The following DCDC1 variants were observed in gnomAD, a reference collection of about 807,000 sequenced individuals.
DCDC1 encodes doublecortin domain-containing protein 1.
DCDC1 carries 200 observed loss-of-function variants against 178.3 expected under a neutral mutation model. The observed-to-expected ratio is 1.12, with a 90% CI of 1.00 to 1.26. DCDC1 has a LOEUF of 1.26. DCDC1 is among the 50% of genes most tolerant of loss of function. The pLI is 0.00. For synonymous variants in DCDC1, 690 were observed against 604.8 expected, an observed-to-expected ratio of 1.14 and a Z score of -2.07; for missense variants, 1,983 against 1,749.2, an observed-to-expected ratio of 1.13 and a Z score of -2.38.
At chr11:31,168,361 A>G (rs1010766187) in intron 9 of DCDC1, among the ~76,000 whole-genome samples, 6 of 152,204 alleles carry the variant, frequency 3.9e-5, no homozygotes, top group Admixed American at 6.5e-5. Context: ...TGTACTGACC[A>G]ATTTAGCACT....
intron 3 of DCDC1, among the ~76,000 whole-genome samples, chr11:31,322,369 G>C (rs1391954557): frequency 2.0e-5 from 3 of 152,134 alleles, no homozygotes; most frequent in Admixed American, 2.0e-4. Context: ...TTTCTTCTTA[G>C]ATAAAGTCTC....
intron 7 of DCDC1, among the ~76,000 whole-genome samples, chr11:31,288,945 T>G (rs1197127599): frequency 2.0e-5 from 3 of 152,038 alleles, no homozygotes; most frequent in South Asian, 2.1e-4. Context: ...TTAAATGTGA[T>G]ACTGAGGCAA....
At chr11:31,237,455 A>T (rs1976602698) in intron 9 of DCDC1, among the ~76,000 whole-genome samples, 1 of 151,958 alleles carries the variant, frequency 6.6e-6, no homozygotes, top group African/African-American at 2.4e-5. Flanking sequence ...ACTTTTACAT[A>T]TAACATATAT....
At chr11:31,067,870 CAG>C (rs1268039373) in intron 18 of DCDC1, among the ~76,000 whole-genome samples, 1 of 152,018 alleles carries the variant, frequency 6.6e-6, no homozygotes, top group East Asian at 1.9e-4. Context: ...GGCGGGCAGA[CAG>C]AGGCAGAGGA....
chr11:31,274,699 CTT>C (rs72501499), intron 7 of DCDC1, among the ~76,000 whole-genome samples: 2,731 of 132,008 alleles, frequency 0.021, 33 homozygotes, highest in South Asian at 0.055. Context: ...TCACAAATGT[CTT>C]TTTTTTTTTT....
At chr11:31,128,888 T>C (rs1217551030) in intron 10 of DCDC1, among the ~76,000 whole-genome samples, 1 of 152,200 alleles carries the variant, frequency 6.6e-6, no homozygotes. Flanking sequence ...TTTCTTGGTC[T>C]ATCTTTTCTA....
chr11:30,875,782 GA>G (rs199994116), intron 38 of DCDC1, among the ~76,000 whole-genome samples: 2 of 152,026 alleles, frequency 1.3e-5, no homozygotes, highest in African/African-American at 4.8e-5. Context: ...AACAATCAAG[GA>G]AAAAAACAGA....
At chr11:31,279,655 A>G (rs1429843050) in intron 7 of DCDC1, among the ~76,000 whole-genome samples, 1 of 152,118 alleles carries the variant, frequency 6.6e-6, no homozygotes, top group Non-Finnish European at 1.5e-5. Flanking sequence ...CAAACACCAC[A>G]TGTTCTCACT....
chr11:31,124,109 C>T (rs903374438), intron 11 of DCDC1, among the ~76,000 whole-genome samples: 19 of 151,924 alleles, frequency 1.3e-4, no homozygotes, highest in African/African-American at 3.9e-4. Flanking sequence ...GTTTTCAAGG[C>T]GAATGCTTCC....
At chr11:31,056,474 T>TA (rs1191622066) in intron 20 of DCDC1, among the ~76,000 whole-genome samples, 3 of 152,074 alleles carry the variant, frequency 2.0e-5, no homozygotes, top group African/African-American at 4.8e-5. Context: ...AGATAAAGTT[T>TA]AAAAGTAAAA....
chr11:31,010,982 C>A (rs1952133218), intron 20 of DCDC1, among the ~76,000 whole-genome samples: 1 of 151,728 alleles, frequency 6.6e-6, no homozygotes, highest in Admixed American at 6.6e-5. Flanking sequence ...ACCTACTAAA[C>A]AAATAAGTAG....
chr11:30,973,474 T>C (rs1949926430), intron 20 of DCDC1, among the ~76,000 whole-genome samples: 1 of 152,022 alleles, frequency 6.6e-6, no homozygotes, highest in Non-Finnish European at 1.5e-5. Flanking sequence ...TTTACAGCAA[T>C]GCGAGAACAC....
chr11:31,128,636 C>T (rs1453150217), intron 10 of DCDC1, among the ~76,000 whole-genome samples: 2 of 152,014 alleles, frequency 1.3e-5, no homozygotes, highest in Non-Finnish European at 2.9e-5. Flanking sequence ...GCATTGACAT[C>T]GAAAACGTGG....
chr11:30,904,715 T>C (rs529761947), intron 31 of DCDC1: 24 of 503,546 alleles, frequency 4.8e-5, no homozygotes, highest in African/African-American at 4.2e-4. Context: ...CTCTTTCTTA[T>C]AGATCTCTGC....
intron 7 of DCDC1, among the ~76,000 whole-genome samples, chr11:31,272,037 C>T (rs1487397660): frequency 2.6e-5 from 4 of 152,022 alleles, no homozygotes; most frequent in African/African-American, 9.7e-5. Context: ...TGGCGGGCAC[C>T]TGTAATCCCA....
At chr11:31,113,700 T>C (rs1251967719) in intron 11 of DCDC1, among the ~76,000 whole-genome samples, 1 of 152,082 alleles carries the variant, frequency 6.6e-6, no homozygotes, top group Non-Finnish European at 1.5e-5. Flanking sequence ...TGATGGACAT[T>C]TGGGCAGGGC....
intron 1 of DCDC1, among the ~76,000 whole-genome samples, chr11:31,355,796 C>T (rs1353129728): frequency 6.6e-6 from 1 of 151,944 alleles, no homozygotes; most frequent in East Asian, 1.9e-4. Context: ...CTCGAGCTCC[C>T]GACCTCAAGT....
rs149725222 is a variant in DCDC1 at position 30,930,909 on chromosome 11, T to C, written c.2897+862A>G. Among the ~76,000 whole-genome samples the C allele has an allele frequency of 5.5e-3, 836 of 152,248 alleles. 3 individuals carry two copies. Among genetic ancestry groups the C allele is most frequent in the Middle Eastern group, 0.024 (7 of 294 alleles). On this transcript the variant is annotated intron_variant, in intron 22 of 38. Transcript: ENST00000684477. Reference sequence around the variant, plus strand: ...CTTGACTTTACTTTGAAGTTTAATTTTTTACTTTATCATCTTTACAGGCAG... The same window carrying C: ...CTTGACTTTACTTTGAAGTTTAATTCTTTACTTTATCATCTTTACAGGCAG...
intron 21 of DCDC1, among the ~76,000 whole-genome samples, chr11:30,938,946 C>G (rs1323239610): frequency 1.5e-4 from 2 of 12,934 alleles, no homozygotes; most frequent in Non-Finnish European, 2.9e-4. Context: ...TGTACTCAAC[C>G]CCCCTTATTG....
Sources: gnomAD v4.1 joint callset for allele counts (sites outside exome capture counted in the v4.1 genomes callset) on GRCh38, gnomAD v4.1.1 for gene constraint, MANE v1.5 for transcripts, NCBI Gene and HGNC (gene_info 2026-07-23, HGNC 2026-07-21) for gene names.